The following NELL1 variants were observed in gnomAD, a reference collection of about 807,000 sequenced individuals.
NELL1 encodes neural EGFL like 1.
Under a neutral mutation model 107.4 loss-of-function variants are expected in NELL1, and 76 were observed. The ratio of observed to expected loss-of-function variants is 0.71; its 90% CI spans 0.59 to 0.86. The LOEUF (loss-of-function observed/expected upper bound fraction) is 0.86, where lower values mean the gene tolerates loss of function less well. NELL1 is among the 40% of genes least tolerant of loss of function. The probability of loss-of-function intolerance (pLI) is 0.00; values close to 1 mark genes in which losing one functional copy is unlikely to be tolerated. For synonymous variants in NELL1, 353 were observed against 341.2 expected, an observed-to-expected ratio of 1.03 and a Z score of -0.38; for missense variants, 1,024 against 1,005.5, an observed-to-expected ratio of 1.02 and a Z score of -0.25.
chr11:20,977,518 C>T (rs1423379311), intron 12 of NELL1, among the ~76,000 whole-genome samples: 5 of 152,128 alleles, frequency 3.3e-5, no homozygotes, highest in Non-Finnish European at 5.9e-5. Flanking sequence ...CTCTCCTGGG[C>T]CTCCCAAAAT....
intron 5 of NELL1, among the ~76,000 whole-genome samples, chr11:20,900,976 A>G (rs117842879): frequency 0.021 from 3,201 of 152,222 alleles, 64 homozygotes; most frequent in Non-Finnish European, 0.029. Flanking sequence ...ACTTCATTAA[A>G]TTGATAAAAG....
chr11:20,993,021 G>A (rs916154116), intron 12 of NELL1, among the ~76,000 whole-genome samples: 1 of 152,124 alleles, frequency 6.6e-6, no homozygotes, highest in African/African-American at 2.4e-5. Context: ...CTTTGTGTTA[G>A]GCGGTTTGTG....
At chr11:21,355,128 T>C (rs2133726910) in intron 14 of NELL1, among the ~76,000 whole-genome samples, 1 of 152,340 alleles carries the variant, frequency 6.6e-6, no homozygotes, top group South Asian at 2.1e-4. Flanking sequence ...CATGTTAAAA[T>C]GTGAACATCA....
chr11:20,705,609 G>C (rs1365826071), intron 2 of NELL1, among the ~76,000 whole-genome samples: 1 of 142,272 alleles, frequency 7.0e-6, no homozygotes, highest in Non-Finnish European at 1.6e-5. Context: ...GCGTGGGCAA[G>C]GACTTCCTGT....
chr11:21,564,018 C>CTGATGAGCCAGGAGATTA (rs940666261), intron 17 of NELL1, among the ~76,000 whole-genome samples: 4 of 152,056 alleles, frequency 2.6e-5, no homozygotes, highest in Middle Eastern at 3.4e-3. Context: ...GGTATAGTCA[C>CTGATGAGCCAGGAGATTA]TGATGAGCCA....
chr11:21,283,547 AATT>A (rs1849044440), intron 14 of NELL1: 1 of 152,602 alleles, frequency 6.6e-6, no homozygotes, highest in African/African-American at 2.4e-5. Context: ...TTGTCTAGTG[AATT>A]ATTATCTAGA....
intron 12 of NELL1, among the ~76,000 whole-genome samples, chr11:21,033,731 A>G (rs1055893485): frequency 2.0e-5 from 3 of 152,140 alleles, no homozygotes; most frequent in Non-Finnish European, 4.4e-5. Flanking sequence ...ATATAGAACA[A>G]TTTATATTCC....
chr11:21,001,834 C>G (rs1371481632), intron 12 of NELL1, among the ~76,000 whole-genome samples: 1 of 151,540 alleles, frequency 6.6e-6, no homozygotes, highest in East Asian at 2.0e-4. Context: ...TTTCCTGGAG[C>G]TAGGGGAAGA....
intron 19 of NELL1, 104 bp downstream of exon 19, chr11:21,573,513 G>T: frequency 1.1e-6 from 1 of 940,636 alleles, no homozygotes; most frequent in Non-Finnish European, 1.7e-6. Context: ...CAATGGACAT[G>T]GTGGAAACTC....
At chr11:21,320,374 A>T (rs1475385022) in intron 14 of NELL1, among the ~76,000 whole-genome samples, 1 of 152,232 alleles carries the variant, frequency 6.6e-6, no homozygotes, top group Non-Finnish European at 1.5e-5. Flanking sequence ...AAAATACTTT[A>T]AACATAACAT....
rs575533242 is a variant in NELL1, at chr11:21,414,521, G to A, written c.1645+43573G>A. On this transcript the variant is annotated intron_variant, in intron 15 of 19. Coordinates refer to ENST00000357134, the MANE Select transcript of NELL1 (RefSeq NM_006157.5). ...ATCACAGCCTAAGAGTCACTGATAC[G>A]GCAAATGGACTCTCCCTCCGGTGTA... Among the ~76,000 whole-genome samples, 16 of 120,386 alleles carry A rather than the reference G, an allele frequency of 1.3e-4. No homozygotes were observed. The South Asian group carries it at 2.0e-3, about 15-fold the overall frequency. The allele number at this position is 120,386 out of a possible 152,430, so 79.0% of individuals were successfully genotyped here. A position where few individuals can be genotyped will look rare whatever the true frequency, so the allele number is the denominator to read the frequency against.
At position 21,397,143 on chromosome 11, in the gene NELL1, G is replaced by A. The variant is rs117380556; in HGVS notation, c.1645+26195G>A. 8.9e-4 allele frequency among the ~76,000 whole-genome samples: 135 copies of A among 151,460 alleles called. 6 individuals carry two copies. In the East Asian group the frequency reaches 0.025, roughly 28 times the overall value. On this transcript the variant is annotated intron_variant, in intron 15 of 19. Transcript: ENST00000357134. ...TTACAAAAAGTTCTCTTCTTTCCAG[G>A]GCTGTAGCATTTTATAAGACACACG...
chr11:20,841,347 T>G (rs1164383764), intron 3 of NELL1, among the ~76,000 whole-genome samples: 2 of 148,850 alleles, frequency 1.3e-5, no homozygotes, highest in African/African-American at 5.0e-5. Context: ...TGGTGACAGC[T>G]ACTCATGTGG....
chr11:21,252,423 G>C (rs570026337), intron 14 of NELL1, among the ~76,000 whole-genome samples: 2 of 152,260 alleles, frequency 1.3e-5, no homozygotes, highest in South Asian at 4.1e-4. Context: ...ACAGACCAGA[G>C]ACTTGACACC....
chr11:21,072,708 C>T (rs192284755), intron 12 of NELL1, among the ~76,000 whole-genome samples: 37 of 152,236 alleles, frequency 2.4e-4, no homozygotes, highest in African/African-American at 8.9e-4. Context: ...TAAAGAGGAA[C>T]TGAAAAAGAA....
intron 15 of NELL1, among the ~76,000 whole-genome samples, chr11:21,507,874 G>T (rs538344077): frequency 1.3e-5 from 2 of 151,312 alleles, no homozygotes; most frequent in African/African-American, 4.9e-5. Context: ...TCTACCTGCC[G>T]GGTTCCAGCG....
At chr11:21,219,718 C>T (rs1857705771) in intron 13 of NELL1, among the ~76,000 whole-genome samples, 2 of 152,246 alleles carry the variant, frequency 1.3e-5, no homozygotes, top group South Asian at 4.2e-4. Flanking sequence ...TTCCCAGCAT[C>T]ATTTAAGGAA....
At chr11:21,073,816 C>T (rs1011302597) in intron 12 of NELL1, among the ~76,000 whole-genome samples, 1 of 152,040 alleles carries the variant, frequency 6.6e-6, no homozygotes, top group African/African-American at 2.4e-5. Flanking sequence ...TAGATTCAAC[C>T]AATTAATTCG....
intron 14 of NELL1, chr11:21,283,599 A>G (rs1040710874): frequency 1.3e-5 from 2 of 154,874 alleles, no homozygotes; most frequent in Non-Finnish European, 2.9e-5. Flanking sequence ...AACACATTAC[A>G]TCATCTGTCT....
Sources: allele counts gnomAD v4.1 joint callset (sites outside exome capture counted in the v4.1 genomes callset), GRCh38; gene constraint gnomAD v4.1.1; transcripts MANE v1.5; gene names NCBI Gene and HGNC (gene_info 2026-07-23, HGNC 2026-07-21).